The following NEDD4 variants were observed in gnomAD, a reference collection of about 807,000 sequenced individuals.
NEDD4 encodes the protein E3 ubiquitin-protein ligase NEDD4.
In NEDD4, 99 loss-of-function variants were observed where a neutral mutation model predicts 144.9. The observed-to-expected ratio is 0.68, with a 90% CI of 0.58 to 0.81. NEDD4 has a LOEUF of 0.81. NEDD4 is among the 30% of genes least tolerant of loss of function. The pLI is 0.00. For synonymous variants in NEDD4, 318 were observed against 350.6 expected, an observed-to-expected ratio of 0.91 and a Z score of 1.04; for missense variants, 985 against 1,065.9, an observed-to-expected ratio of 0.92 and a Z score of 1.06.
chr15:55,869,557 C>T, intron 8 of NEDD4, 22 bp downstream of exon 8: 1 of 1,465,720 alleles, frequency 6.8e-7, no homozygotes, highest in Non-Finnish European at 9.3e-7. Flanking sequence ...TTTAGTTTAA[C>T]CAAATATTTA....
intron 18 of NEDD4, among the ~76,000 whole-genome samples, chr15:55,843,692 G>A (rs1280131571): frequency 2.6e-5 from 4 of 152,072 alleles, no homozygotes; most frequent in Non-Finnish European, 5.9e-5. Context: ...ACATAATAAT[G>A]TAAGCAGTTG....
intron 6 of NEDD4, among the ~76,000 whole-genome samples, chr15:55,873,054 G>A (rs1483765672): frequency 6.6e-6 from 1 of 151,938 alleles, no homozygotes; most frequent in African/African-American, 2.4e-5. Context: ...CTTCTCTGAT[G>A]TTCTGCATTG....
At chr15:55,964,235 A>G (rs1426023584) in intron 2 of NEDD4, among the ~76,000 whole-genome samples, 1 of 152,148 alleles carries the variant, frequency 6.6e-6, no homozygotes, top group African/African-American at 2.4e-5. Context: ...AAGATATTAT[A>G]TAATGATATC....
At chr15:55,856,329 G>A (rs989008479) in intron 11 of NEDD4, 133 bp from the exon 12 acceptor site, 3 of 736,210 alleles carry the variant, frequency 4.1e-6, no homozygotes, top group Middle Eastern at 2.4e-4. Flanking sequence ...TGTTGAGAGT[G>A]CAGGCTGAGT....
Position 55,836,351 on chromosome 15 carries a change from C to G in NEDD4, c.2262+1438G>C, listed in dbSNP as rs1013013674. ...TATGTGACACACACACACACACACA[C>G]ACACACACACACACACACACACTTT... On this transcript the variant is annotated intron_variant, in intron 24 of 28. Coordinates refer to ENST00000435532, the MANE Select transcript of NEDD4 (RefSeq NM_006154.4). 2.0e-5 allele frequency among the ~76,000 whole-genome samples: 3 copies of G among 151,700 alleles called. No individual in the cohort carries two copies. In the East Asian group the frequency reaches 5.8e-4, roughly 29 times the overall value.
intron 4 of NEDD4, among the ~76,000 whole-genome samples, chr15:55,950,929 G>T (rs929830458): frequency 2.6e-5 from 4 of 152,186 alleles, no homozygotes; most frequent in African/African-American, 9.7e-5. Context: ...CCTTGCTGAG[G>T]AATTGGAAAT....
At chr15:55,861,334 C>T (rs1396099806) in intron 9 of NEDD4, among the ~76,000 whole-genome samples, 1 of 151,834 alleles carries the variant, frequency 6.6e-6, no homozygotes, top group Non-Finnish European at 1.5e-5. Flanking sequence ...ATCTGTTTTT[C>T]GTAATATACA....
chr15:55,986,902 G>C (rs951261813), intron 1 of NEDD4, among the ~76,000 whole-genome samples: 1 of 152,226 alleles, frequency 6.6e-6, no homozygotes, highest in Non-Finnish European at 1.5e-5. Context: ...GCCAAGGCCT[G>C]TCCTTCTTAA....
At chr15:55,926,396 C>G (rs1422232211) in intron 4 of NEDD4, among the ~76,000 whole-genome samples, 1 of 152,146 alleles carries the variant, frequency 6.6e-6, no homozygotes, top group Non-Finnish European at 1.5e-5. Flanking sequence ...AGCTGGCACT[C>G]CTGCAGCCGT....
chr15:55,898,858 T>C (rs2035823275), intron 5 of NEDD4, among the ~76,000 whole-genome samples: 1 of 152,076 alleles, frequency 6.6e-6, no homozygotes, highest in Non-Finnish European at 1.5e-5. Context: ...CCCAGGCTGG[T>C]CTTGAACTCC....
chr15:55,885,881 C>T lies in NEDD4; in HGVS notation c.292-11873G>A, dbSNP rs114406078. Among the ~76,000 whole-genome samples, 447 of 151,606 alleles carry T rather than the reference C, an allele frequency of 2.9e-3. 3 individuals carry two copies. Among genetic ancestry groups the T allele is most frequent in the African/African-American group, 0.01 (423 of 41,366 alleles). ...ACACTGAATATAAACAGACTAAACG[C>T]TCCAATCAAAAGACATACAGTGGCT... On this transcript the variant is annotated intron_variant, in intron 5 of 28. Transcript: ENST00000435532.
chr15:55,833,031 A>C lies in NEDD4; in HGVS notation c.2504T>G (p.Met835Arg), dbSNP rs2033028557. 1 of 1,613,152 alleles carries C rather than the reference A, an allele frequency of 6.2e-7. No homozygotes were observed. The highest frequency in any genetic ancestry group is 1.7e-5 in the Admixed American group (1 of 59,928). The change falls in exon 27 of 29, where the codon ATG becomes AGG. Residue 835 changes from methionine (M) to arginine (R), a missense_variant. Met to Arg is a moderately conservative substitution (Grantham distance 91). Transcript: ENST00000435532. ...ACCGTATAGTTCAGCAAATCCATTC[A>C]TAGGCACCCGAGATGTGCCAGTGAC... The part of the protein sequence containing the change: ...QFVTGTSRVP[M>R]NGFAELYGSN...
At chr15:55,858,539 T>G (rs761690439) in intron 11 of NEDD4, among the ~76,000 whole-genome samples, 55 of 152,062 alleles carry the variant, frequency 3.6e-4, no homozygotes, top group Non-Finnish European at 5.7e-4. Context: ...AACTCCTGAC[T>G]TCAACCCATC....
At chr15:55,830,197 CCCA>C (rs1191716743) in intron 28 of NEDD4, among the ~76,000 whole-genome samples, 198 bp from the exon 29 acceptor site, 5 of 152,136 alleles carry the variant, frequency 3.3e-5, no homozygotes, top group African/African-American at 1.2e-4. Flanking sequence ...GAGTGCTGCC[CCCA>C]CCACATCTTC....
chr15:55,949,256 A>C (rs1392397098), intron 4 of NEDD4, among the ~76,000 whole-genome samples: 1 of 152,224 alleles, frequency 6.6e-6, no homozygotes, highest in Admixed American at 6.5e-5. Flanking sequence ...ATGAGATACC[A>C]TCTCACACCA....
intron 2 of NEDD4, 94 bp from the exon 3 acceptor site, chr15:55,951,683 G>A: frequency 3.3e-6 from 3 of 896,644 alleles, no homozygotes; most frequent in Non-Finnish European, 4.7e-6. Context: ...AGTTTTCCTT[G>A]TTAGTTATAT....
chr15:55,931,038 G>A (rs1368399993), intron 4 of NEDD4, among the ~76,000 whole-genome samples: 6 of 152,090 alleles, frequency 3.9e-5, no homozygotes, highest in African/African-American at 7.2e-5. Context: ...TTTAAAACAC[G>A]GGCGTAAAGA....
chr15:55,940,268 A>G (rs559626658), intron 4 of NEDD4, among the ~76,000 whole-genome samples: 32 of 152,278 alleles, frequency 2.1e-4, no homozygotes, highest in African/African-American at 7.2e-4. Context: ...AGGGGGTGAT[A>G]GGAGGAAACT....
At chr15:55,909,722 C>T (rs533094230) in intron 5 of NEDD4, among the ~76,000 whole-genome samples, 9 of 152,234 alleles carry the variant, frequency 5.9e-5, no homozygotes, top group East Asian at 3.9e-4. Context: ...TGGACACAAA[C>T]GGGTGAGGCC....
Sources: allele counts gnomAD v4.1 joint callset (sites outside exome capture counted in the v4.1 genomes callset), GRCh38; gene constraint gnomAD v4.1.1; transcripts MANE v1.5; gene names NCBI Gene and HGNC (gene_info 2026-07-23, HGNC 2026-07-21).